Variants in CIT observed in about 807,000 individuals in gnomAD.
CIT encodes citron Rho-interacting kinase.
CIT carries 79 observed loss-of-function variants against 272.7 expected under a neutral mutation model. The ratio of observed to expected loss-of-function variants is 0.29; its 90% CI spans 0.24 to 0.35. CIT has a LOEUF of 0.35. Among genes scored for constraint, CIT ranks in the 10% least tolerant of loss-of-function variants. The probability of loss-of-function intolerance (pLI) is 1.00; values close to 1 mark genes in which losing one functional copy is unlikely to be tolerated. For synonymous variants in CIT, 948 were observed against 995.6 expected, an observed-to-expected ratio of 0.95 and a Z score of 0.90; for missense variants, 1,909 against 2,618.3, an observed-to-expected ratio of 0.73 and a Z score of 5.91.
chr12:119,693,249 G>C (rs1956056607), intron 46 of CIT, among the ~76,000 whole-genome samples: 1 of 152,120 alleles, frequency 6.6e-6, no homozygotes, highest in Non-Finnish European at 1.5e-5. Context: ...TTTTGGCAAG[G>C]AGTTACGTTT....
chr12:119,804,296 C>T lies in CIT; in HGVS notation c.1112-907G>A. 1.0e-6 allele frequency: 1 copy of T among 985,534 alleles called. No homozygotes were observed. Among genetic ancestry groups the T allele is most frequent in the Non-Finnish European group, 1.2e-6 (1 of 829,998 alleles). The allele number at this position is 985,534 out of a possible 1,614,324, so 61.0% of individuals were successfully genotyped here. ...GGAGGCTGCCCATCGCGGTGGGCTC[C>T]CGGGGGTGTCCCCCGCCAGAAACGT... On this transcript the variant is annotated intron_variant, in intron 9 of 47. Transcript: ENST00000392521. The surrounding 1 kb of genome is among the most constrained non-coding windows in gnomAD (Gnocchi z 5.3).
intron 41 of CIT, among the ~76,000 whole-genome samples, chr12:119,702,794 C>T (rs990296033): frequency 4.6e-5 from 7 of 152,008 alleles, no homozygotes; most frequent in African/African-American, 1.7e-4. Context: ...AAAAATACAA[C>T]AACTATTAAC....
intron 2 of CIT, among the ~76,000 whole-genome samples, chr12:119,875,159 C>A (rs1950805774): frequency 6.6e-6 from 1 of 151,964 alleles, no homozygotes; most frequent in Non-Finnish European, 1.5e-5. Context: ...AAAAATTAGC[C>A]AGGTATGGTG....
intron 19 of CIT, among the ~76,000 whole-genome samples, chr12:119,766,487 C>T (rs887384534): frequency 1.3e-5 from 2 of 151,868 alleles, no homozygotes; most frequent in Non-Finnish European, 2.9e-5. Context: ...GGTTGGGAAG[C>T]GTAGAAGGGG....
At chr12:119,797,597 C>T (rs1370403597) in intron 10 of CIT, among the ~76,000 whole-genome samples, 1 of 152,198 alleles carries the variant, frequency 6.6e-6, no homozygotes. Flanking sequence ...TGCATGTCTT[C>T]GTGTAGCAGA....
intron 2 of CIT, among the ~76,000 whole-genome samples, chr12:119,873,228 C>T (rs778301934): frequency 6.6e-6 from 1 of 151,866 alleles, no homozygotes; most frequent in East Asian, 1.9e-4. Flanking sequence ...ATAATCAGCA[C>T]ACTATAAGCC....
intron 17 of CIT, among the ~76,000 whole-genome samples, chr12:119,772,009 A>G (rs775188971): frequency 2.0e-5 from 3 of 152,052 alleles, no homozygotes; most frequent in Admixed American, 6.6e-5. Flanking sequence ...ACTCAGTTGG[A>G]ATTTAGGGGA....
chr12:119,737,306 CAAAAAAAAAAAAAAAAAAAA>C (rs145489542), intron 24 of CIT, among the ~76,000 whole-genome samples: 27 of 24,168 alleles, frequency 1.1e-3, no homozygotes, highest in South Asian at 5.2e-3. Context: ...GATTCCATCT[CAAAAAAAAAAAAAAAAAAAA>C]AAAAAAAAAA....
intron 12 of CIT, 111 bp downstream of exon 12, chr12:119,783,797 A>G: frequency 4.5e-6 from 6 of 1,336,160 alleles, no homozygotes; most frequent in South Asian, 1.5e-5. Context: ...CCCTCTCTCT[A>G]CTCTCTGCCA....
At chr12:119,851,511 C>T (rs965963101) in intron 4 of CIT, among the ~76,000 whole-genome samples, 3 of 152,128 alleles carry the variant, frequency 2.0e-5, no homozygotes, top group Non-Finnish European at 2.9e-5. Context: ...AGAACCTGAA[C>T]ATCTTGCTAT....
intron 20 of CIT, among the ~76,000 whole-genome samples, chr12:119,759,803 C>T (rs970819579): frequency 2.0e-5 from 3 of 152,276 alleles, no homozygotes; most frequent in Non-Finnish European, 4.4e-5. Context: ...AGCTTCTCTA[C>T]AGCAAAGTTT....
intron 9 of CIT, 124 bp downstream of exon 9, chr12:119,822,696 G>T: frequency 1.0e-6 from 1 of 996,502 alleles, no homozygotes; most frequent in Non-Finnish European, 1.5e-6. Flanking sequence ...TACTACTCCT[G>T]TAGATAATTA....
At position 119,718,897 on chromosome 12, in the gene CIT, G is replaced by C. The variant is rs1382607611; in HGVS notation, c.3841-36C>G. The C allele has an allele frequency of 6.2e-7, 1 of 1,606,160 alleles. No homozygotes were observed. Among genetic ancestry groups the C allele is most frequent in the Non-Finnish European group, 8.5e-7 (1 of 1,174,306 alleles). ...AAACAGAGATATCTCCTAACTCCTG[G>C]AAACTGGCACTTGAAACTAGCTAAA... On this transcript the variant is annotated intron_variant, in intron 30 of 47. Coordinates refer to ENST00000392521, the MANE Select transcript of CIT (RefSeq NM_001206999.2). The surrounding 1 kb of genome is among the most constrained non-coding windows in gnomAD (Gnocchi z 4.8).
At chr12:119,875,100 C>A (rs956201050) in intron 2 of CIT, among the ~76,000 whole-genome samples, 2 of 152,126 alleles carry the variant, frequency 1.3e-5, no homozygotes, top group Non-Finnish European at 2.9e-5. Context: ...CCCAGGAATT[C>A]GAGACCTGCC....
rs957860226 is a variant in CIT at position 119,876,257 on chromosome 12, A to G, written c.-13-76T>C. 1.8e-4 allele frequency: 153 copies of G among 871,848 alleles called. No homozygotes were observed. The African/African-American group carries it at 2.3e-3, about 13-fold the overall frequency. The allele number at this position is 871,848 out of a possible 1,614,324, so 54.0% of individuals were successfully genotyped here. A position where few individuals can be genotyped will look rare whatever the true frequency, so the allele number is the denominator to read the frequency against. ...GGCCTGAGAGATCCTGATCTCCCTCAAGATATCAGGGACAAGGAGGTGAAA... is the reference window on the plus strand; with the variant it reads ...GGCCTGAGAGATCCTGATCTCCCTCGAGATATCAGGGACAAGGAGGTGAAA... On this transcript the variant is annotated intron_variant, in intron 1 of 47. Coordinates refer to ENST00000392521, the MANE Select transcript of CIT (RefSeq NM_001206999.2).
chr12:119,730,948 T>C (rs968774944), intron 26 of CIT, among the ~76,000 whole-genome samples: 2 of 151,736 alleles, frequency 1.3e-5, no homozygotes, highest in African/African-American at 4.8e-5. Flanking sequence ...GCCAACGTGG[T>C]GAAATCCCAT....
intron 3 of CIT, among the ~76,000 whole-genome samples, chr12:119,862,271 A>C (rs1950362608): frequency 6.6e-6 from 1 of 152,154 alleles, no homozygotes; most frequent in Non-Finnish European, 1.5e-5. Flanking sequence ...CCAGGATTAC[A>C]GGCGTGAGCC....
chr12:119,697,854 G>A lies in CIT; in HGVS notation c.5703-16C>T. On this transcript the variant is annotated splice_polypyrimidine_tract_variant and intron_variant, in intron 45 of 47. Coordinates refer to ENST00000392521, the MANE Select transcript of CIT (RefSeq NM_001206999.2). This position sits in a 1 kb window ranked among gnomAD's most constrained non-coding sequence, Gnocchi z 4.9. ...GGCAGGGGTCCTGCAGAGTCCCAGA[G>A]TTCCAGTTACCTTCATTGCAGGCTA... is the stretch of plus-strand genomic sequence containing the variant. The A allele has an allele frequency of 6.2e-7, 1 of 1,613,772 alleles. No homozygotes were observed. Among genetic ancestry groups the A allele is most frequent in the African/African-American group, 1.3e-5 (1 of 75,036 alleles).
In CIT at chr12:119,728,655, T is replaced by G. The variant is rs202153671; in HGVS notation, c.3487-49A>C. 3.2e-5 allele frequency: 40 copies of G among 1,252,376 alleles called. No individual in the cohort carries two copies. In the East Asian group the frequency reaches 8.1e-4, roughly 25 times the overall value. 77.6% of individuals were successfully genotyped at this position (1,252,376 alleles called of 1,614,324 possible). The stretch of plus-strand genomic sequence containing the variant: ...TAATGCCACACTTAGGAATGTTAGA[T>G]GCTGACAACGTTTATGAATGTCCAC... On this transcript the variant is annotated intron_variant, in intron 27 of 47. Transcript: ENST00000392521. The surrounding 1 kb of genome is among the most constrained non-coding windows in gnomAD (Gnocchi z 4.3).
Sources: gnomAD v4.1 joint callset for allele counts (sites outside exome capture counted in the v4.1 genomes callset) on GRCh38, gnomAD v4.1.1 for gene constraint, Gnocchi (gnomAD v3.1) non-coding constraint, MANE v1.5 for transcripts, NCBI Gene and HGNC (gene_info 2026-07-23, HGNC 2026-07-21) for gene names.